Variants in BAHCC1 observed in about 807,000 individuals in gnomAD.
The protein encoded by BAHCC1 is BAH and coiled-coil domain-containing protein 1.
A neutral mutation model predicts 88.2 loss-of-function variants in BAHCC1; 43 were observed. The ratio of observed to expected loss-of-function variants is 0.49; its 90% CI spans 0.38 to 0.63. BAHCC1 has a LOEUF of 0.63. BAHCC1 is among the 20% of genes least tolerant of loss of function. BAHCC1 has a pLI of 0.00. For synonymous variants in BAHCC1, 1,510 were observed against 745.5 expected (o/e 2.03, Z -16.71); for missense variants, 3,023 against 1,654.8 (o/e 1.83, Z -14.34).
Position 81,447,754 on chromosome 17 carries a change from C to G in BAHCC1, c.3882C>G (p.Pro1294=). Residue 1294 remains proline, a synonymous_variant, in exon 11 of 28, where the codon CCC becomes CCG. Coordinates refer to ENST00000675386, the MANE Select transcript of BAHCC1 (RefSeq NM_001377448.1). The stretch of plus-strand genomic sequence containing the variant: ...CCTCTGGGCCCCCCAGCACAGTCCC[C>G]CTGCCTCATAGCTCAGGGATTCATG... ...PAASGPPSTV[P]LPHSSGIHGI... The G allele has an allele frequency of 1.3e-6, 1 of 741,256 alleles. No homozygotes were observed. The highest frequency in any genetic ancestry group is 2.5e-6 in the Non-Finnish European group (1 of 398,776). The allele number at this position is 741,256 out of a possible 1,614,324, so 45.9% of individuals were successfully genotyped here. A position where few individuals can be genotyped will look rare whatever the true frequency, so the allele number is the denominator to read the frequency against.
rs1475027189 is a variant in BAHCC1 at position 81,442,641 on chromosome 17, C to T, written c.1292C>T (p.Pro431Leu). The T allele has an allele frequency of 1.3e-6, 1 of 776,416 alleles. No homozygotes were observed. Among genetic ancestry groups the T allele is most frequent in the Non-Finnish European group, 2.4e-6 (1 of 416,492 alleles). The allele number at this position is 776,416 out of a possible 1,614,324, so 48.1% of individuals were successfully genotyped here. A position where few individuals can be genotyped will look rare whatever the true frequency, so the allele number is the denominator to read the frequency against. The stretch of plus-strand genomic sequence containing the variant: ...CGGCACCTGGAGGGAACCATGGCCC[C>T]CGACCACGCTGCACCCTATGGAGTC... ...KDRHLEGTMA[P>L]DHAAPYGVSY... Residue 431 changes from proline (P) to leucine (L), a missense_variant, in exon 5 of 28, where the codon CCC (proline) becomes CTC (leucine). Coordinates refer to ENST00000675386, the MANE Select transcript of BAHCC1 (RefSeq NM_001377448.1).
chr17:81,463,223 C>G (rs2030455647), intron 27 of BAHCC1, among the ~76,000 whole-genome samples: 1 of 152,164 alleles, frequency 6.6e-6, no homozygotes, highest in Non-Finnish European at 1.5e-5. Flanking sequence ...AGGTCTAGTT[C>G]ACTCCTGGGA....
Position 81,434,210 on chromosome 17 carries a change from C to T in BAHCC1, c.359-4160C>T, listed in dbSNP as rs1398496586. Among the ~76,000 whole-genome samples the T allele has an allele frequency of 6.6e-6, 1 of 152,162 alleles. No individual in the cohort carries two copies. Among genetic ancestry groups the T allele is most frequent in the Non-Finnish European group, 1.5e-5 (1 of 68,014 alleles). On this transcript the variant is annotated intron_variant, in intron 3 of 27. Transcript: ENST00000675386. This position sits in a 1 kb window ranked among gnomAD's most constrained non-coding sequence, Gnocchi z 4.9. Reference sequence around the variant, plus strand: ...GGGTATTTGAGACAGTGCCCACAGCCTCCCACGTTCCCCAGGGCCTCCCAG... The same window carrying T: ...GGGTATTTGAGACAGTGCCCACAGCTTCCCACGTTCCCCAGGGCCTCCCAG...
At chr17:81,419,409 C>T (rs1233139046) in intron 2 of BAHCC1, among the ~76,000 whole-genome samples, 1 of 152,266 alleles carries the variant, frequency 6.6e-6, no homozygotes, top group Non-Finnish European at 1.5e-5. Flanking sequence ...GAATGTGGGG[C>T]AGGGCCAGCA....
chr17:81,406,765 TGGCAGGCGCTGGG>T (rs1202675372), intron 2 of BAHCC1, among the ~76,000 whole-genome samples: 1 of 152,068 alleles, frequency 6.6e-6, no homozygotes, highest in Non-Finnish European at 1.5e-5. Context: ...GGGGATGTGG[TGGCAGGCGCTGGG>T]GGCAGGCGGC....
At chr17:81,413,258 G>A (rs181430159) in intron 2 of BAHCC1, 499 of 250,846 alleles carry the variant, frequency 2.0e-3, no homozygotes, top group Non-Finnish European at 2.1e-3. Context: ...ACCTGCCCTC[G>A]GGGGTTTGTG....
In BAHCC1 at chr17:81,458,930, G is replaced by A. The variant is rs782729538; in HGVS notation, c.5566G>A (p.Asp1856Asn). 1 of 765,398 alleles carries A rather than the reference G, an allele frequency of 1.3e-6. No homozygotes were observed. Among genetic ancestry groups the A allele is most frequent in the East Asian group, 2.4e-5 (1 of 40,874 alleles). The allele number at this position is 765,398 out of a possible 1,614,324, so 47.4% of individuals were successfully genotyped here. The change falls in exon 20 of 28, where the codon GAC becomes AAC. Residue 1856 changes from aspartate (D) to asparagine (N), a missense_variant. By Grantham distance (23) the Asp-to-Asn change is conservative. Transcript: ENST00000675386. Reference sequence around the variant, plus strand: ...GGAGGACGAGGAGGAAGAGGAGGAGGACAGCGGCCCTCTGAGCGCAGAGCA... The same window carrying A: ...GGAGGACGAGGAGGAAGAGGAGGAGAACAGCGGCCCTCTGAGCGCAGAGCA... ...EEEDEEEEEE[D>N]SGPLSAEQSA...
At position 81,442,897 on chromosome 17, in the gene BAHCC1, C is replaced by T. The variant is rs782003359; in HGVS notation, c.1548C>T (p.Ala516=). Residue 516 remains alanine, a synonymous_variant, in exon 5 of 28, where the codon GCC becomes GCT. Transcript: ENST00000675386. ...ACCAGGACCCGCTGGGCGGGAAGGC[C>T]CCCCAGGCCTGCTGCACTTTAGATA... The part of the protein sequence containing the change: ...PGHQDPLGGK[A]PQACCTLDKT... 34 of 779,160 alleles carry T rather than the reference C, an allele frequency of 4.4e-5. No individual in the cohort carries two copies. The highest frequency in any genetic ancestry group is 2.7e-5 in the South Asian group (2 of 74,626). The allele number at this position is 779,160 out of a possible 1,614,324, so 48.3% of individuals were successfully genotyped here. A position where few individuals can be genotyped will look rare whatever the true frequency, so the allele number is the denominator to read the frequency against.
chr17:81,404,590 G>A (rs1160233208), intron 2 of BAHCC1, among the ~76,000 whole-genome samples: 3 of 152,180 alleles, frequency 2.0e-5, no homozygotes, highest in African/African-American at 4.8e-5. Context: ...CATCCAGGAA[G>A]GCAGAAAAAG....
intron 23 of BAHCC1, among the ~76,000 whole-genome samples, chr17:81,459,922 G>T (rs534090567): frequency 6.6e-6 from 1 of 152,288 alleles, no homozygotes; most frequent in Non-Finnish European, 1.5e-5. Flanking sequence ...ACAGGCAGGG[G>T]CATGTAGGTC....
rs569741979 is a variant in BAHCC1, at chr17:81,458,465, G to T, written c.5342G>T (p.Arg1781Leu). The T allele has an allele frequency of 4.3e-6, 3 of 705,822 alleles. No individual in the cohort carries two copies. Among genetic ancestry groups the T allele is most frequent in the Admixed American group, 3.8e-5 (2 of 52,206 alleles). The allele number at this position is 705,822 out of a possible 1,614,324, so 43.7% of individuals were successfully genotyped here. A position where few individuals can be genotyped will look rare whatever the true frequency, so the allele number is the denominator to read the frequency against. ...GGCACAGTGCTGCAGCCAGTGCTGC[G>T]GGTGAGGCTGGGCTCTGGGGTGCTG... ...RKGTVLQPVL[R>L]RKNGALSITL... The change falls in exon 18 of 28, where the codon CGG becomes CTG. Residue 1781 changes from arginine (R) to leucine (L), a missense_variant and splice_region_variant. Transcript: ENST00000675386.
At chr17:81,440,928 G>A (rs1456409306) in intron 4 of BAHCC1, among the ~76,000 whole-genome samples, 6 of 152,338 alleles carry the variant, frequency 3.9e-5, no homozygotes, top group African/African-American at 7.2e-5. Context: ...CTTCCTCCGC[G>A]ACCCACCCGT....
In BAHCC1 at chr17:81,435,424, C is replaced by G. The variant is rs533155755; in HGVS notation, c.359-2946C>G. ...GACCCCCACTGCCCCCAGGGCTCTT[C>G]CCCACGCTCCACCAGGCTCCGAGGG... On this transcript the variant is annotated intron_variant, in intron 3 of 27. Coordinates refer to ENST00000675386, the MANE Select transcript of BAHCC1 (RefSeq NM_001377448.1). The surrounding 1 kb of genome is among the most constrained non-coding windows in gnomAD (Gnocchi z 4.4). The G allele has an allele frequency of 2.1e-6, 1 of 469,866 alleles. No homozygotes were observed. Among genetic ancestry groups the G allele is most frequent in the Non-Finnish European group, 4.4e-6 (1 of 226,902 alleles). The allele number at this position is 469,866 out of a possible 1,614,324, so 29.1% of individuals were successfully genotyped here.
rs191247822 is a variant in BAHCC1 at position 81,409,018 on chromosome 17, C to G, written c.178+9101C>G. ...TCTGCTTTTCCCCTAGGATTTCACCCCCACACCGGAAAAGATGAACGATTA... is the reference window on the plus strand; with the variant it reads ...TCTGCTTTTCCCCTAGGATTTCACCGCCACACCGGAAAAGATGAACGATTA... On this transcript the variant is annotated intron_variant, in intron 2 of 27. Coordinates refer to ENST00000675386, the MANE Select transcript of BAHCC1 (RefSeq NM_001377448.1). Among the ~76,000 whole-genome samples the G allele has an allele frequency of 1.7e-3, 257 of 152,372 alleles. 3 individuals carry two copies. The highest frequency in any genetic ancestry group is 6.1e-3 in the African/African-American group (252 of 41,586).
chr17:81,424,984 G>A (rs1026035131), intron 2 of BAHCC1, among the ~76,000 whole-genome samples: 1 of 150,900 alleles, frequency 6.6e-6, no homozygotes, highest in African/African-American at 2.4e-5. Context: ...GTGTGATGTG[G>A]TTGGTGGTGA....
At chr17:81,454,414 G>A (rs1413297954) in intron 14 of BAHCC1, among the ~76,000 whole-genome samples, 5 of 152,156 alleles carry the variant, frequency 3.3e-5, no homozygotes, top group African/African-American at 4.8e-5. Flanking sequence ...TCTGGGAGGG[G>A]CCAGGGATGC....
chr17:81,457,634 G>T, intron 17 of BAHCC1, 42 bp downstream of exon 17: 1 of 664,330 alleles, frequency 1.5e-6, no homozygotes, highest in Non-Finnish European at 2.8e-6. Context: ...TAACCAGGAG[G>T]GAGGGCAGGG....
intron 17 of BAHCC1, 28 bp from the exon 18 acceptor site, chr17:81,458,137 C>T (rs1555657843): frequency 4.2e-6 from 3 of 715,340 alleles, no homozygotes; most frequent in African/African-American, 1.7e-5. Flanking sequence ...ATGGGGACCC[C>T]TGTGACGGCC....
In BAHCC1 at chr17:81,455,529, C is replaced by T. The variant is rs540141242; in HGVS notation, c.4569+139C>T. ...CGAAGCAAGGCTGGGGAGCTCCGAGCGCCGACAGCAGGAGGAGGAGGGTGA... is the reference window on the plus strand; with the variant it reads ...CGAAGCAAGGCTGGGGAGCTCCGAGTGCCGACAGCAGGAGGAGGAGGGTGA... On this transcript the variant is annotated intron_variant, in intron 15 of 27. Coordinates refer to ENST00000675386, the MANE Select transcript of BAHCC1 (RefSeq NM_001377448.1). 210 of 607,452 alleles carry T rather than the reference C, an allele frequency of 3.5e-4. 1 individual carries two copies. Among genetic ancestry groups the T allele is most frequent in the African/African-American group, 3.3e-3 (177 of 54,448 alleles). 37.6% of individuals were successfully genotyped at this position (607,452 alleles called of 1,614,324 possible). A position where few individuals can be genotyped will look rare whatever the true frequency, so the allele number is the denominator to read the frequency against.
Sources: gnomAD v4.1 joint callset for allele counts (sites outside exome capture counted in the v4.1 genomes callset) on GRCh38, gnomAD v4.1.1 for gene constraint, Gnocchi (gnomAD v3.1) non-coding constraint, MANE v1.5 for transcripts, NCBI Gene and HGNC (gene_info 2026-07-23, HGNC 2026-07-21) for gene names.